SIRPA: variants seen among roughly 807,000 people sequenced by gnomAD.
The protein encoded by SIRPA is signal regulatory protein alpha.
In SIRPA, 9 loss-of-function variants were observed where a neutral mutation model predicts 50.3. That is an observed-to-expected ratio of 0.18 (90% CI 0.11 to 0.31). SIRPA has a LOEUF of 0.31. SIRPA is among the 10% of genes least tolerant of loss of function. The pLI is 1.00. For synonymous variants in SIRPA, 265 were observed against 284.1 expected, an observed-to-expected ratio of 0.93 and a Z score of 0.68; for missense variants, 474 against 661.6, an observed-to-expected ratio of 0.72 and a Z score of 3.11.
Position 1,937,362 on chromosome 20 carries a change from G to A in SIRPA, c.1309G>A (p.Gly437Arg), listed in dbSNP as rs1986636793. The A allele has an allele frequency of 1.2e-6, 2 of 1,613,934 alleles. No individual in the cohort carries two copies. The highest frequency in any genetic ancestry group is 2.7e-5 in the African/African-American group (2 of 74,876). Reference protein sequence around the residue: ...ITYADLNLPKGKKPAPQAAEP... With the variant: ...ITYADLNLPKRKKPAPQAAEP... ...ATATGCAGACCTGAACCTGCCCAAG[G>A]GGAAGAAGCCTGCTCCCCAGGCTGC... The change falls in exon 8 of 8, where the codon GGG becomes AGG. Residue 437 changes from glycine (G) to arginine (R), a missense_variant. Physicochemically the swap from Gly to Arg is moderately radical, Grantham distance 125. Coordinates refer to ENST00000358771, the MANE Select transcript of SIRPA (RefSeq NM_001040023.2). This position sits in a 1 kb window ranked among gnomAD's most constrained non-coding sequence, Gnocchi z 8.3.
At chr20:1,900,283 A>G (rs1984106275) in intron 1 of SIRPA, among the ~76,000 whole-genome samples, 1 of 152,072 alleles carries the variant, frequency 6.6e-6, no homozygotes, top group Admixed American at 6.6e-5. Context: ...TATTTTTAGT[A>G]GAGACAAGGT....
chr20:1,937,402 A>C lies in SIRPA; in HGVS notation c.1349A>C (p.His450Pro). ...PAPQAAEPNNHTEYASIQTSP... is the reference protein window; with the variant it reads ...PAPQAAEPNNPTEYASIQTSP... ...CCCCAGGCTGCGGAGCCCAACAACC[A>C]CACGGAGTATGCCAGCATTCAGACC... Residue 450 changes from histidine (H) to proline (P), a missense_variant, in exon 8 of 8, where the codon CAC becomes CCC. By Grantham distance (77) the His-to-Pro change is moderately conservative. Around this residue, in one of 4 missense-constraint regions of SIRPA, gnomAD observed 180 missense variants for 206.7 expected, o/e 0.87. Transcript: ENST00000358771. The surrounding 1 kb of genome is among the most constrained non-coding windows in gnomAD (Gnocchi z 8.3). 1 of 1,614,070 alleles carries C rather than the reference A, an allele frequency of 6.2e-7. No homozygotes were observed. The highest frequency in any genetic ancestry group is 1.1e-5 in the South Asian group (1 of 91,080).
rs1476582521 is a variant in SIRPA at position 1,933,605 on chromosome 20, G to A, written c.1227-1110G>A. Among the ~76,000 whole-genome samples, 11 of 152,176 alleles carry A rather than the reference G, an allele frequency of 7.2e-5. No individual in the cohort carries two copies. Among genetic ancestry groups the A allele is most frequent in the African/African-American group, 2.4e-4 (10 of 41,436 alleles). On this transcript the variant is annotated intron_variant, in intron 6 of 7. Coordinates refer to ENST00000358771, the MANE Select transcript of SIRPA (RefSeq NM_001040023.2). This position sits in a 1 kb window ranked among gnomAD's most constrained non-coding sequence, Gnocchi z 4.4. ...ATCTGCGTGATCTTCCCCAGCAGAC[G>A]TGCCCCTGCTCCTGGAGGGTTCTTT... is the stretch of plus-strand genomic sequence containing the variant.
chr20:1,935,108 C>T (rs756931277), intron 7 of SIRPA, among the ~76,000 whole-genome samples: 3 of 152,168 alleles, frequency 2.0e-5, no homozygotes, highest in Non-Finnish European at 2.9e-5. Context: ...ACCAGGAGCG[C>T]CACTCCCAGC....
chr20:1,937,578 T>C lies in SIRPA; in HGVS notation c.*10T>C, dbSNP rs772282310. The C allele has an allele frequency of 5.6e-6, 9 of 1,613,704 alleles. No individual in the cohort carries two copies. Among genetic ancestry groups the C allele is most frequent in the Admixed American group, 5.0e-5 (3 of 59,990 alleles). ...GGTCCCGAGGAAGTGAATGGGACCGTGGTTTGCTCTAGCACCCATCTCTAC... is the reference window on the plus strand; with the variant it reads ...GGTCCCGAGGAAGTGAATGGGACCGCGGTTTGCTCTAGCACCCATCTCTAC... On this transcript the variant is annotated 3_prime_UTR_variant, in exon 8 of 8. Coordinates refer to ENST00000358771, the MANE Select transcript of SIRPA (RefSeq NM_001040023.2). The surrounding 1 kb of genome is among the most constrained non-coding windows in gnomAD (Gnocchi z 8.3).
rs1986734899 is a variant in SIRPA, at chr20:1,938,751, T to C, written c.*1183T>C. On this transcript the variant is annotated 3_prime_UTR_variant, in exon 8 of 8. Transcript: ENST00000358771. Reference sequence around the variant, plus strand: ...CTGCCCAGGGCTGCTGAGGGCTGCCTCTTGACAGTGCAGTCTTATCGAGAC... The same window carrying C: ...CTGCCCAGGGCTGCTGAGGGCTGCCCCTTGACAGTGCAGTCTTATCGAGAC... 6.6e-6 allele frequency: 1 copy of C among 152,432 alleles called. No homozygotes were observed. Among genetic ancestry groups the C allele is most frequent in the Non-Finnish European group, 1.5e-5 (1 of 68,076 alleles). The allele number at this position is 152,432 out of a possible 1,614,324, so 9.4% of individuals were successfully genotyped here. A position where few individuals can be genotyped will look rare whatever the true frequency, so the allele number is the denominator to read the frequency against.
In SIRPA at chr20:1,895,437, AGCCGCG is replaced by A; in HGVS notation, c.-7_-2del. 2.1e-6 allele frequency: 3 copies of A among 1,395,704 alleles called. No homozygotes were observed. The highest frequency in any genetic ancestry group is 2.8e-6 in the Non-Finnish European group (3 of 1,082,534). The allele number at this position is 1,395,704 out of a possible 1,614,324, so 86.5% of individuals were successfully genotyped here. A position where few individuals can be genotyped will look rare whatever the true frequency, so the allele number is the denominator to read the frequency against. On this transcript the variant is annotated 5_prime_UTR_variant, in exon 1 of 8. Coordinates refer to ENST00000358771, the MANE Select transcript of SIRPA (RefSeq NM_001040023.2). ...CGGCCGCTCTCCCTCCTCGCTCCGCAGCCGCGGCCCATGGAGCCCGCCGGCCCGGCC... is the reference window on the plus strand; with the variant it reads ...CGGCCGCTCTCCCTCCTCGCTCCGCAGCCCATGGAGCCCGCCGGCCCGGCC...
chr20:1,902,868 C>T (rs1278450528), intron 1 of SIRPA, among the ~76,000 whole-genome samples: 4 of 151,960 alleles, frequency 2.6e-5, no homozygotes, highest in African/African-American at 4.8e-5. Flanking sequence ...AAAAATTAGC[C>T]GGGCATGGTG....
Position 1,934,630 on chromosome 20 carries a change from G to A in SIRPA, c.1227-85G>A. 1 of 1,323,790 alleles carries A rather than the reference G, an allele frequency of 7.6e-7. No individual in the cohort carries two copies. Among genetic ancestry groups the A allele is most frequent in the South Asian group, 1.2e-5 (1 of 83,462 alleles). The allele number at this position is 1,323,790 out of a possible 1,614,324, so 82.0% of individuals were successfully genotyped here. Reference sequence around the variant, plus strand: ...CATGTCCTCAACCCATATAGAAAATGGAGCCTAAATGTTATTCTTATCAGT... The same window carrying A: ...CATGTCCTCAACCCATATAGAAAATAGAGCCTAAATGTTATTCTTATCAGT... On this transcript the variant is annotated intron_variant, in intron 6 of 7. Coordinates refer to ENST00000358771, the MANE Select transcript of SIRPA (RefSeq NM_001040023.2). This position sits in a 1 kb window ranked among gnomAD's most constrained non-coding sequence, Gnocchi z 4.6.
intron 1 of SIRPA, among the ~76,000 whole-genome samples, chr20:1,913,272 G>C (rs1985013212): frequency 6.6e-6 from 1 of 152,222 alleles, no homozygotes; most frequent in Non-Finnish European, 1.5e-5. Context: ...TCCCTTGCCA[G>C]AGTCAAGACT....
chr20:1,907,630 C>A (rs1334007925), intron 1 of SIRPA, among the ~76,000 whole-genome samples: 1 of 152,236 alleles, frequency 6.6e-6, no homozygotes, highest in Non-Finnish European at 1.5e-5. Context: ...GAACCCCATC[C>A]CTAAACCTCC....
chr20:1,923,551 A>G (rs1227242432), intron 4 of SIRPA, among the ~76,000 whole-genome samples: 1 of 152,076 alleles, frequency 6.6e-6, no homozygotes, highest in Non-Finnish European at 1.5e-5. Flanking sequence ...GGGTTTTCAT[A>G]GTACGTGTGG....
chr20:1,929,040 G>T (rs536048600), intron 6 of SIRPA, among the ~76,000 whole-genome samples: 1 of 152,286 alleles, frequency 6.6e-6, no homozygotes, highest in Admixed American at 6.5e-5. Context: ...ACCAGGTTTT[G>T]CCAGCAACTG....
rs547668476 is a variant in SIRPA at position 1,938,770 on chromosome 20, T to C, written c.*1202T>C. ...GCTGCCTCTTGACAGTGCAGTCTTA[T>C]CGAGACCCAATGCCTCAGTCTGCTC... is the stretch of plus-strand genomic sequence containing the variant. On this transcript the variant is annotated 3_prime_UTR_variant, in exon 8 of 8. Coordinates refer to ENST00000358771, the MANE Select transcript of SIRPA (RefSeq NM_001040023.2). 1 of 152,558 alleles carries C rather than the reference T, an allele frequency of 6.6e-6. No individual in the cohort carries two copies. The highest frequency in any genetic ancestry group is 2.1e-4 in the South Asian group (1 of 4,828). The allele number at this position is 152,558 out of a possible 1,614,324, so 9.5% of individuals were successfully genotyped here.
At chr20:1,907,384 A>G (rs1984607446) in intron 1 of SIRPA, among the ~76,000 whole-genome samples, 1 of 152,162 alleles carries the variant, frequency 6.6e-6, no homozygotes, top group Admixed American at 6.5e-5. Flanking sequence ...GGGCAACCGA[A>G]ACCATCCTTC....
chr20:1,905,876 G>A (rs777244280), intron 1 of SIRPA, among the ~76,000 whole-genome samples: 2 of 152,168 alleles, frequency 1.3e-5, no homozygotes, highest in African/African-American at 2.4e-5. Context: ...TCCCAGTGCC[G>A]CCTGTCCCCG....
intron 6 of SIRPA, among the ~76,000 whole-genome samples, chr20:1,931,184 C>G (rs1173125567): frequency 6.6e-6 from 1 of 152,204 alleles, no homozygotes; most frequent in East Asian, 1.9e-4. Flanking sequence ...GGCCCCACCC[C>G]CAAAGTCCCT....
rs1253701465 is a variant in SIRPA at position 1,924,774 on chromosome 20, A to C, written c.1098A>C (p.Gly366=). The change falls in exon 5 of 8, where the codon GGA becomes GGC. Residue 366 remains glycine (G), a synonymous_variant. Transcript: ENST00000358771. This position sits in a 1 kb window ranked among gnomAD's most constrained non-coding sequence, Gnocchi z 4.5. The part of the protein sequence containing the change: ...QGSNTAAENT[G]SNERNIYIVV... ...CCATGTGGTCCCTAGAGAACACTGG[A>C]TCTAATGAACGGAACATCTATATTG... is the stretch of plus-strand genomic sequence containing the variant. 1 of 1,614,050 alleles carries C rather than the reference A, an allele frequency of 6.2e-7. No homozygotes were observed. Among genetic ancestry groups the C allele is most frequent in the East Asian group, 2.2e-5 (1 of 44,876 alleles).
intron 1 of SIRPA, among the ~76,000 whole-genome samples, chr20:1,906,938 C>A (rs754829): frequency 0.68 from 103,487 of 152,066 alleles, 36,015 homozygotes; most frequent in African/African-American, 0.83. Flanking sequence ...ACCACAGAGC[C>A]TCTGACCTGG....
Sources: gnomAD v4.1 joint callset for allele counts (sites outside exome capture counted in the v4.1 genomes callset) on GRCh38, gnomAD v4.1.1 for gene constraint, gnomAD v4.1.1 regional missense constraint, Gnocchi (gnomAD v3.1) non-coding constraint, MANE v1.5 for transcripts, NCBI Gene and HGNC (gene_info 2026-07-23, HGNC 2026-07-21) for gene names.